ARMH4: variants seen among roughly 807,000 people sequenced by gnomAD.
ARMH4 encodes armadillo-like helical domain-containing protein 4.
ARMH4 carries 49 observed loss-of-function variants against 61.9 expected under a neutral mutation model. The observed-to-expected ratio is 0.79, with a 90% confidence interval of 0.63 to 1.00. The LOEUF (loss-of-function observed/expected upper bound fraction) is 1.00. Ranked by LOEUF, ARMH4 falls within the 50% of genes least tolerant of loss-of-function variation. The probability of loss-of-function intolerance (pLI) is 0.00; values close to 1 mark genes in which losing one functional copy is unlikely to be tolerated. For synonymous variants in ARMH4, 368 were observed against 341.5 expected (o/e 1.08, Z -0.85); for missense variants, 934 against 930.0 (o/e 1.00, Z -0.06).
intron 5 of ARMH4, among the ~76,000 whole-genome samples, chr14:58,049,858 C>T (rs957185387): frequency 1.8e-4 from 27 of 152,204 alleles, no homozygotes; most frequent in African/African-American, 6.3e-4. Context: ...GCTCATCCTT[C>T]TCACAACCCG....
chr14:58,039,114 G>A (rs909831984), intron 5 of ARMH4, among the ~76,000 whole-genome samples: 26 of 152,204 alleles, frequency 1.7e-4, no homozygotes, highest in Non-Finnish European at 2.9e-5. Context: ...TGGGACACAG[G>A]AGTCCTCAAG....
chr14:58,069,067 G>A (rs1884797776), intron 5 of ARMH4, among the ~76,000 whole-genome samples: 1 of 151,266 alleles, frequency 6.6e-6, no homozygotes, highest in South Asian at 2.1e-4. Context: ...TAAAGATCTA[G>A]TCCAAACATC....
intron 4 of ARMH4, among the ~76,000 whole-genome samples, chr14:58,129,307 G>C (rs1887006132): frequency 6.6e-6 from 1 of 152,064 alleles, no homozygotes; most frequent in Admixed American, 6.6e-5. Flanking sequence ...TTCCATAAAG[G>C]TTCATTCTTC....
At chr14:58,142,817 T>C (rs950305820) in intron 1 of ARMH4, among the ~76,000 whole-genome samples, 1 of 152,012 alleles carries the variant, frequency 6.6e-6, no homozygotes, top group Non-Finnish European at 1.5e-5. Flanking sequence ...GGACTTGAAC[T>C]CCTGGGCTCA....
chr14:58,082,788 C>T lies in ARMH4; in HGVS notation c.2089+13936G>A, dbSNP rs187598074. Among the ~76,000 whole-genome samples, 333 of 152,214 alleles carry T rather than the reference C, an allele frequency of 2.2e-3. 2 individuals carry two copies. The highest frequency in any genetic ancestry group is 7.7e-3 in the African/African-American group (319 of 41,524). On this transcript the variant is annotated intron_variant, in intron 5 of 7. Transcript: ENST00000267485. The stretch of plus-strand genomic sequence containing the variant: ...AGTTTTCCCAGTTTTCTGGGGCTTG[C>T]CTTCCTTGAGAAAGTCCACCCCTGA...
intron 4 of ARMH4, among the ~76,000 whole-genome samples, chr14:58,120,117 T>C (rs1886674348): frequency 6.6e-6 from 1 of 152,172 alleles, no homozygotes; most frequent in Non-Finnish European, 1.5e-5. Flanking sequence ...AGGTATAGCC[T>C]ATTGCTCCTA....
At chr14:58,141,960 TA>T (rs1360160026) in intron 1 of ARMH4, among the ~76,000 whole-genome samples, 2 of 152,112 alleles carry the variant, frequency 1.3e-5, no homozygotes, top group Admixed American at 6.6e-5. Context: ...TATTATAAGA[TA>T]AAAAAATTAT....
At chr14:58,026,395 A>G (rs1291045014) in intron 5 of ARMH4, among the ~76,000 whole-genome samples, 1 of 152,108 alleles carries the variant, frequency 6.6e-6, no homozygotes, top group South Asian at 2.1e-4. Context: ...CTGAGCACCA[A>G]GGTTTCTGAT....
At chr14:58,143,474 T>C (rs921760944) in intron 1 of ARMH4, among the ~76,000 whole-genome samples, 3 of 152,186 alleles carry the variant, frequency 2.0e-5, no homozygotes, top group Non-Finnish European at 4.4e-5. Context: ...ATTTGTATGT[T>C]TATTTTTGAG....
intron 5 of ARMH4, among the ~76,000 whole-genome samples, chr14:58,088,074 A>G (rs1423284499): frequency 2.0e-5 from 3 of 152,128 alleles, no homozygotes; most frequent in Non-Finnish European, 4.4e-5. Context: ...TGGGTATTTA[A>G]CCTATTTATA....
At chr14:58,121,548 T>C (rs1440513168) in intron 4 of ARMH4, among the ~76,000 whole-genome samples, 1 of 152,256 alleles carries the variant, frequency 6.6e-6, no homozygotes, top group Non-Finnish European at 1.5e-5. Context: ...ATATTGATTT[T>C]AAATATTTTT....
chr14:58,124,802 G>A (rs2060344030), intron 4 of ARMH4, among the ~76,000 whole-genome samples: 1 of 152,206 alleles, frequency 6.6e-6, no homozygotes, highest in African/African-American at 2.4e-5. Context: ...GAGGTATGCA[G>A]TGGTCAGTGA....
chr14:58,080,182 T>A (rs1594744883), intron 5 of ARMH4, among the ~76,000 whole-genome samples: 1 of 151,720 alleles, frequency 6.6e-6, no homozygotes, highest in South Asian at 2.1e-4. Context: ...CAGGCTGGAG[T>A]GCAATGGCGC....
chr14:58,126,530 C>T (rs943047361), intron 4 of ARMH4, among the ~76,000 whole-genome samples: 1 of 152,186 alleles, frequency 6.6e-6, no homozygotes, highest in East Asian at 1.9e-4. Context: ...CACACATGTG[C>T]ACACATGAAG....
At chr14:58,119,948 C>A (rs374270571) in intron 4 of ARMH4, among the ~76,000 whole-genome samples, 43 of 152,008 alleles carry the variant, frequency 2.8e-4, no homozygotes, top group African/African-American at 1.0e-3. Context: ...CATTTTTCTA[C>A]AATTATCAAT....
chr14:58,137,885 C>T, intron 2 of ARMH4, 105 bp downstream of exon 2: 3 of 1,151,996 alleles, frequency 2.6e-6, no homozygotes, highest in Non-Finnish European at 3.6e-6. Flanking sequence ...CTGCACCTGG[C>T]CTGCTTTTCA....
intron 5 of ARMH4, among the ~76,000 whole-genome samples, chr14:58,041,870 A>G (rs1012837289): frequency 6.6e-6 from 1 of 152,284 alleles, no homozygotes; most frequent in Non-Finnish European, 1.5e-5. Context: ...TAATGGTAAA[A>G]GGATCAATTC....
chr14:58,118,656 C>T (rs1401415118), intron 4 of ARMH4, among the ~76,000 whole-genome samples: 2 of 152,078 alleles, frequency 1.3e-5, no homozygotes, highest in Admixed American at 6.5e-5. Flanking sequence ...AGACAGAGCA[C>T]GGAATGGGTC....
At chr14:58,077,295 G>A (rs1885078640) in intron 5 of ARMH4, among the ~76,000 whole-genome samples, 1 of 152,192 alleles carries the variant, frequency 6.6e-6, no homozygotes, top group Non-Finnish European at 1.5e-5. Flanking sequence ...ATCAGGCAGA[G>A]TGAAAAAATT....
Sources: allele counts gnomAD v4.1 joint callset (sites outside exome capture counted in the v4.1 genomes callset), GRCh38; gene constraint gnomAD v4.1.1; transcripts MANE v1.5; gene names NCBI Gene and HGNC (gene_info 2026-07-23, HGNC 2026-07-21).